Variants in HSP90AB1 observed in about 807,000 individuals in gnomAD.
The protein encoded by HSP90AB1 is heat shock protein 90 alpha family class B member 1.
In HSP90AB1, 17 loss-of-function variants were observed where a neutral mutation model predicts 67.8. The ratio of observed to expected loss-of-function variants is 0.25; its 90% CI spans 0.17 to 0.38. HSP90AB1 has a LOEUF of 0.38. HSP90AB1 is among the 10% of genes least tolerant of loss of function. HSP90AB1 has a pLI of 1.00. For synonymous variants in HSP90AB1, 390 were observed against 312.9 expected (o/e 1.25, Z -2.60); for missense variants, 690 against 899.9 (o/e 0.77, Z 2.98).
Position 44,247,130 on chromosome 6 carries a change from A to T in HSP90AB1, c.-66A>T, listed in dbSNP as rs946229222. The stretch of plus-strand genomic sequence containing the variant: ...CGAGTCACTCCGGCGCAGTGTTGGG[A>T]CTGTCTGGGTATCGGAAAGCAAGCC... On this transcript the variant is annotated 5_prime_UTR_variant, in exon 1 of 12. Transcript: ENST00000371646. 1 of 152,076 alleles carries T rather than the reference A, an allele frequency of 6.6e-6. No individual in the cohort carries two copies. The highest frequency in any genetic ancestry group is 2.4e-5 in the African/African-American group (1 of 41,360). 9.4% of individuals were successfully genotyped at this position (152,076 alleles called of 1,614,324 possible).
intron 1 of HSP90AB1, 56 bp from the exon 2 acceptor site, chr6:44,248,574 A>G (rs1780261968): frequency 3.2e-6 from 5 of 1,541,154 alleles, no homozygotes; most frequent in Non-Finnish European, 4.4e-6. Flanking sequence ...GACCTTTAGG[A>G]TTTTTAAACA....
At chr6:44,252,298 G>A in intron 10 of HSP90AB1, 31 bp downstream of exon 10, 1 of 1,599,030 alleles carries the variant, frequency 6.3e-7, no homozygotes, top group Non-Finnish European at 8.5e-7. Flanking sequence ...GATATATTTT[G>A]TAACATCTTC....
rs1279871967 is a variant in HSP90AB1 at position 44,251,877 on chromosome 6, C to T, written c.1455C>T (p.Tyr485=). The T allele has an allele frequency of 6.2e-7, 1 of 1,613,116 alleles. No individual in the cohort carries two copies. The highest frequency in any genetic ancestry group is 8.5e-7 in the Non-Finnish European group (1 of 1,180,044). Residue 485 remains tyrosine (Y), a synonymous_variant, in exon 9 of 12, where the codon TAC becomes TAT. Coordinates refer to ENST00000371646, the MANE Select transcript of HSP90AB1 (RefSeq NM_007355.4). ...AGGAGACACAGAAGTCCATCTATTACATCACTGGTGCGTTGACTCTGATTG... is the reference window on the plus strand; with the variant it reads ...AGGAGACACAGAAGTCCATCTATTATATCACTGGTGCGTTGACTCTGATTG... ...RMKETQKSIY[Y]ITGESKEQVA... is the part of the protein sequence containing the mutation.
Position 44,251,229 on chromosome 6 carries a change from G to A in HSP90AB1, c.1123+16G>A. 2 of 1,613,676 alleles carry A rather than the reference G, an allele frequency of 1.2e-6. No homozygotes were observed. Among genetic ancestry groups the A allele is most frequent in the Non-Finnish European group, 1.7e-6 (2 of 1,179,572 alleles). Reference sequence around the variant, plus strand: ...GAGTATCTCAGTGAGTATCTCCTTGGCCTAATTTAGTTGGGTGAAGTCTTG... The same window carrying A: ...GAGTATCTCAGTGAGTATCTCCTTGACCTAATTTAGTTGGGTGAAGTCTTG... On this transcript the variant is annotated intron_variant, in intron 7 of 11. Coordinates refer to ENST00000371646, the MANE Select transcript of HSP90AB1 (RefSeq NM_007355.4).
chr6:44,252,400 TCTC>T, intron 10 of HSP90AB1, 133 bp downstream of exon 10: 1 of 793,060 alleles, frequency 1.3e-6, no homozygotes, highest in Non-Finnish European at 2.0e-6. Flanking sequence ...CTTGTTCTCT[TCTC>T]TAGTCAGGTT....
In HSP90AB1 at chr6:44,249,704, G is replaced by A. The variant is rs776395489; in HGVS notation, c.384G>A (p.Gln128=). ...GTGCAGACATCTCCATGATTGGGCA[G>A]TTTGGTGTTGGCTTTTATTCTGCCT... ...QAGADISMIG[Q]FGVGFYSAYL... Residue 128 remains glutamine (Q), a synonymous_variant, in exon 4 of 12, where the codon CAG becomes CAA. Coordinates refer to ENST00000371646, the MANE Select transcript of HSP90AB1 (RefSeq NM_007355.4). The A allele has an allele frequency of 1.8e-5, 29 of 1,613,914 alleles. No individual in the cohort carries two copies. The highest frequency in any genetic ancestry group is 3.3e-5 in the Admixed American group (2 of 59,952).
Position 44,251,770 on chromosome 6 carries a change from C to T in HSP90AB1, c.1348C>T (p.Arg450Cys), listed in dbSNP as rs776430928. The change falls in exon 9 of 12, where the codon CGC (arginine) becomes TGC (cysteine). Residue 450 changes from arginine to cysteine, a missense_variant. Physicochemically the swap from Arg to Cys is radical, Grantham distance 180. Around this residue, in one of 7 missense-constraint regions of HSP90AB1, gnomAD observed 206 missense variants for 221.4 expected, o/e 0.93. Transcript: ENST00000371646. ...CCACGAAGACTCCACTAACCGCCGC[C>T]GCCTGTCTGAGCTGCTGCGCTATCA... The part of the protein sequence containing the change: ...GIHEDSTNRR[R>C]LSELLRYHTS... The T allele has an allele frequency of 8.7e-6, 14 of 1,613,494 alleles. No individual in the cohort carries two copies. Among genetic ancestry groups the T allele is most frequent in the East Asian group, 4.5e-5 (2 of 44,894 alleles).
rs1454224411 is a variant in HSP90AB1 at position 44,251,201 on chromosome 6, C to G, written c.1111C>G (p.Pro371Ala). 1 of 1,614,080 alleles carries G rather than the reference C, an allele frequency of 6.2e-7. No homozygotes were observed. The highest frequency in any genetic ancestry group is 8.5e-7 in the Non-Finnish European group (1 of 1,179,950). The change falls in exon 7 of 12, where the codon CCA becomes GCA. Residue 371 changes from proline (P) to alanine (A), a missense_variant. Physicochemically the swap from Pro to Ala is conservative, Grantham distance 27. Coordinates refer to ENST00000371646, the MANE Select transcript of HSP90AB1 (RefSeq NM_007355.4). ...FIMDSCDELI[P>A]EYLNFIRGVV... is the part of the protein sequence containing the mutation. ...CATGGACAGCTGTGATGAGTTGATACCAGAGTATCTCAGTGAGTATCTCCT... is the reference window on the plus strand; with the variant it reads ...CATGGACAGCTGTGATGAGTTGATAGCAGAGTATCTCAGTGAGTATCTCCT...
At chr6:44,247,382 T>C (rs1471347257) in intron 1 of HSP90AB1, among the ~76,000 whole-genome samples, 187 bp downstream of exon 1, 1 of 151,448 alleles carries the variant, frequency 6.6e-6, no homozygotes, top group Admixed American at 6.6e-5. Context: ...TTTTCTCTAG[T>C]GTGTTTGGGG....
At chr6:44,246,740 T>TC (rs1226755340), upstream of HSP90AB1, among the ~76,000 whole-genome samples, 2 of 151,984 alleles carry the variant, frequency 1.3e-5, no homozygotes, top group Non-Finnish European at 2.9e-5. Context: ...TTTTTCGGTG[T>TC]CCCCCCCAGT....
At chr6:44,247,669 G>T (rs1191681224) in intron 1 of HSP90AB1, among the ~76,000 whole-genome samples, 1 of 152,210 alleles carries the variant, frequency 6.6e-6, no homozygotes, top group Non-Finnish European at 1.5e-5. Flanking sequence ...TTTCTGTGAG[G>T]GAGGGTTGAC....
rs548645692 is a variant in HSP90AB1 at position 44,250,300 on chromosome 6, G to A, written c.658G>A (p.Glu220Lys). 1 of 1,613,522 alleles carries A rather than the reference G, an allele frequency of 6.2e-7. No homozygotes were observed. The highest frequency in any genetic ancestry group is 8.5e-7 in the Non-Finnish European group (1 of 1,179,720). ...GYPITLYLEK[E>K]REKEISDDEA... ...TGTTTTTGTTACTTAGTTGGAGAAG[G>A]AACGAGAGAAGGAAATTAGTGATGA... Residue 220 changes from glutamate (E) to lysine (K), a missense_variant, in exon 6 of 12, where the codon GAA becomes AAA. This residue lies in a region of HSP90AB1 where 146 missense variants were observed against 143.7 expected (regional missense o/e 1.02). Transcript: ENST00000371646.
rs201866283 is a variant in HSP90AB1 at position 44,249,834 on chromosome 6, G to T, written c.514G>T (p.Gly172Cys). ...TTCCTTCACTGTGCGTGCTGACCAT[G>T]GTAAGTTAGCTTTTCTGTTACAAGG... ...GGSFTVRADH[G>C]EPIGRGTKVI... Residue 172 changes from glycine to cysteine, a missense_variant and splice_region_variant, in exon 4 of 12, where the codon GGT becomes TGT. Gly to Cys is a radical substitution (Grantham distance 159, BLOSUM62 -3). This residue lies in a region of HSP90AB1 where 146 missense variants were observed against 143.7 expected (regional missense o/e 1.02). Coordinates refer to ENST00000371646, the MANE Select transcript of HSP90AB1 (RefSeq NM_007355.4). The T allele has an allele frequency of 3.7e-6, 6 of 1,603,538 alleles. No individual in the cohort carries two copies. In the East Asian group the frequency reaches 1.3e-4, roughly 36 times the overall value.
At position 44,249,581 on chromosome 6, in the gene HSP90AB1, C is replaced by A; in HGVS notation, c.352C>A (p.Gln118Lys). 2 of 1,613,624 alleles carry A rather than the reference C, an allele frequency of 1.2e-6. No individual in the cohort carries two copies. Among genetic ancestry groups the A allele is most frequent in the Non-Finnish European group, 1.7e-6 (2 of 1,179,562 alleles). Residue 118 changes from glutamine to lysine, a missense_variant and splice_region_variant, in exon 3 of 12, where the codon CAG becomes AAG. Around this residue, in one of 7 missense-constraint regions of HSP90AB1, gnomAD observed 88 missense variants for 167.7 expected, o/e 0.52. Coordinates refer to ENST00000371646, the MANE Select transcript of HSP90AB1 (RefSeq NM_007355.4). The part of the protein sequence containing the change: ...SGTKAFMEAL[Q>K]AGADISMIGQ... ...TACTAAAGCATTCATGGAGGCTCTT[C>A]AGGTATTGCAGTTCTGTAGGCATTC...
At chr6:44,248,922 C>A in intron 2 of HSP90AB1, 146 bp downstream of exon 2, 2 of 753,272 alleles carry the variant, frequency 2.7e-6, no homozygotes, top group Non-Finnish European at 4.5e-6. Context: ...TTTACTCTGG[C>A]CATCTTGAAC....
intron 4 of HSP90AB1, 80 bp downstream of exon 4, chr6:44,249,914 T>G (rs1780426679): frequency 6.3e-7 from 1 of 1,583,982 alleles, no homozygotes; most frequent in African/African-American, 1.3e-5. Context: ...TTGGGCATCC[T>G]GTCTGTAAAG....
chr6:44,249,968 C>T lies in HSP90AB1; in HGVS notation c.515-53C>T. The T allele has an allele frequency of 3.1e-6, 5 of 1,606,670 alleles. No homozygotes were observed. In the South Asian group the frequency reaches 3.3e-5, roughly 11 times the overall value. On this transcript the variant is annotated intron_variant, in intron 4 of 11. Transcript: ENST00000371646. ...CTGCTGATACTTACTAATTGCTGGTCTCAACTGCATATACTTTTTACCCTG... is the reference window on the plus strand; with the variant it reads ...CTGCTGATACTTACTAATTGCTGGTTTCAACTGCATATACTTTTTACCCTG...
Position 44,251,778 on chromosome 6 carries a change from T to G in HSP90AB1, c.1356T>G (p.Ser452=). Residue 452 remains serine, a synonymous_variant, in exon 9 of 12, where the codon TCT becomes TCG. Coordinates refer to ENST00000371646, the MANE Select transcript of HSP90AB1 (RefSeq NM_007355.4). ...ACTCCACTAACCGCCGCCGCCTGTC[T>G]GAGCTGCTGCGCTATCATACCTCCC... ...HEDSTNRRRL[S]ELLRYHTSQS... is the part of the protein sequence containing the mutation. The G allele has an allele frequency of 1.2e-6, 2 of 1,613,514 alleles. No homozygotes were observed. The highest frequency in any genetic ancestry group is 1.3e-5 in the African/African-American group (1 of 75,048).
In HSP90AB1 at chr6:44,253,877, T is replaced by C. The variant is rs753230365; in HGVS notation, c.*279T>C. 1 of 670,894 alleles carries C rather than the reference T, an allele frequency of 1.5e-6. No homozygotes were observed. The highest frequency in any genetic ancestry group is 2.9e-6 in the Non-Finnish European group (1 of 350,388). The allele number at this position is 670,894 out of a possible 1,614,324, so 41.6% of individuals were successfully genotyped here. A position where few individuals can be genotyped will look rare whatever the true frequency, so the allele number is the denominator to read the frequency against. Reference sequence around the variant, plus strand: ...ATGCAAAATAAAGAATATGCCGTTTTTATACAGTTCTGCTTTCCCTTGTGA... The same window carrying C: ...ATGCAAAATAAAGAATATGCCGTTTCTATACAGTTCTGCTTTCCCTTGTGA... On this transcript the variant is annotated 3_prime_UTR_variant, in exon 12 of 12. Transcript: ENST00000371646.
Sources: allele counts gnomAD v4.1 joint callset (sites outside exome capture counted in the v4.1 genomes callset), GRCh38; gene constraint gnomAD v4.1.1; regional missense constraint gnomAD v4.1.1; transcripts MANE v1.5; gene names NCBI Gene and HGNC (gene_info 2026-07-23, HGNC 2026-07-21).